LIPC: variants seen among roughly 807,000 people sequenced by gnomAD.
The protein encoded by LIPC is lipase C, hepatic type.
Under a neutral mutation model 50.7 loss-of-function variants are expected in LIPC, and 44 were observed. That is an observed-to-expected ratio of 0.87 (90% confidence interval 0.68 to 1.11). The LOEUF (loss-of-function observed/expected upper bound fraction) is 1.11. Among genes scored for constraint, LIPC ranks in the 50% most tolerant of loss-of-function variants. The pLI, the probability that LIPC is intolerant of heterozygous loss-of-function variation, is 0.00. For synonymous variants in LIPC, 271 were observed against 256.4 expected (o/e 1.06, Z -0.54); for missense variants, 697 against 648.2 (o/e 1.08, Z -0.82).
intron 1 of LIPC, 68 bp downstream of exon 1, chr15:58,432,188 T>A: frequency 8.5e-7 from 1 of 1,177,802 alleles, no homozygotes; most frequent in Non-Finnish European, 1.3e-6. Flanking sequence ...TCACAAAGAA[T>A]CCAGGGGTTT....
chr15:58,567,345 GTATA>G (rs112052257), intron 8 of LIPC, among the ~76,000 whole-genome samples: 1 of 18,826 alleles, frequency 5.3e-5, no homozygotes, highest in Non-Finnish European at 1.2e-4. Flanking sequence ...ATATGTATAT[GTATA>G]TATATATATG....
intron 1 of LIPC, among the ~76,000 whole-genome samples, chr15:58,487,248 A>G (rs1245596781): frequency 5.3e-5 from 8 of 152,212 alleles, no homozygotes; most frequent in African/African-American, 1.9e-4. Flanking sequence ...AATGATCTTA[A>G]GTAGCTAATG....
rs5812938 is a variant in LIPC at position 58,471,328 on chromosome 15, TG to T, written c.88+39217del. Among the ~76,000 whole-genome samples the T allele has an allele frequency of 6.1e-5, 7 of 114,238 alleles. 1 individual carries two copies. The highest frequency in any genetic ancestry group is 2.4e-4 in the African/African-American group (7 of 29,470). 74.9% of individuals were successfully genotyped at this position (114,238 alleles called of 152,430 possible). A position where few individuals can be genotyped will look rare whatever the true frequency, so the allele number is the denominator to read the frequency against. Reference sequence around the variant, plus strand: ...ATTTTTTTTGTATTTTTAGTAGAGATGGGGGGGGGTGGTCTCACCATGTTGG... The same window carrying T: ...ATTTTTTTTGTATTTTTAGTAGAGATGGGGGGGGTGGTCTCACCATGTTGG... On this transcript the variant is annotated intron_variant, in intron 1 of 8. Coordinates refer to ENST00000299022, the MANE Select transcript of LIPC (RefSeq NM_000236.3).
rs371009852 is a variant in LIPC at position 58,541,956 on chromosome 15, C to T, written c.445C>T (p.Arg149Trp). 6.7e-5 allele frequency: 108 copies of T among 1,609,292 alleles called. No homozygotes were observed. Among genetic ancestry groups the T allele is most frequent in the Middle Eastern group, 1.7e-4 (1 of 6,056 alleles). The change falls in exon 3 of 9, where the codon CGG becomes TGG. Residue 149 changes from arginine to tryptophan, a missense_variant. Physicochemically the swap from Arg to Trp is moderately radical, Grantham distance 101 (BLOSUM62 -3). Transcript: ENST00000299022. Reference protein sequence around the residue: ...LVGKEVAALLRWLEESVQLSR... With the variant: ...LVGKEVAALLWWLEESVQLSR... ...GGGCAAGGAGGTCGCGGCTCTTCTC[C>T]GGTGGCTGGAGGTACCGACCTGCCC...
intron 1 of LIPC, among the ~76,000 whole-genome samples, chr15:58,536,599 G>C (rs1323426896): frequency 6.6e-6 from 1 of 152,158 alleles, no homozygotes; most frequent in South Asian, 2.1e-4. Context: ...CCCGGCTTCT[G>C]ACTTAGACAG....
intron 1 of LIPC, among the ~76,000 whole-genome samples, chr15:58,534,611 A>T (rs2140898096): frequency 6.6e-6 from 1 of 152,084 alleles, no homozygotes; most frequent in Non-Finnish European, 1.5e-5. Context: ...TATATTTGTA[A>T]CCTCCTTTTT....
chr15:58,557,048 T>G (rs558438911), intron 6 of LIPC, among the ~76,000 whole-genome samples: 1 of 152,318 alleles, frequency 6.6e-6, no homozygotes, highest in East Asian at 1.9e-4. Flanking sequence ...TACACAAATG[T>G]TAGGACATTT....
intron 1 of LIPC, among the ~76,000 whole-genome samples, chr15:58,447,805 C>T (rs1437011847): frequency 2.0e-5 from 3 of 152,136 alleles, no homozygotes; most frequent in African/African-American, 7.2e-5. Flanking sequence ...CTTTGAGAAG[C>T]GAAGTTCTAA....
At chr15:58,550,617 C>T (rs978575856) in intron 6 of LIPC, among the ~76,000 whole-genome samples, 1 of 152,076 alleles carries the variant, frequency 6.6e-6, no homozygotes, top group Non-Finnish European at 1.5e-5. Flanking sequence ...TCAGGGGGCT[C>T]GGTGGAGACT....
chr15:58,451,219 G>A (rs1266964425), intron 1 of LIPC, among the ~76,000 whole-genome samples: 1 of 152,314 alleles, frequency 6.6e-6, no homozygotes, highest in East Asian at 1.9e-4. Context: ...AGGTAGAGCA[G>A]TGGGGTGGAG....
At position 58,560,715 on chromosome 15, in the gene LIPC, C is replaced by G. The variant is rs33931419; in HGVS notation, c.1052-149C>G. ...AAGGAAAAACAAGAAGATAAACCAC[C>G]ATTTAGGAGCAAAAAAATGTTGTTA... On this transcript the variant is annotated intron_variant, in intron 6 of 8. Coordinates refer to ENST00000299022, the MANE Select transcript of LIPC (RefSeq NM_000236.3). 218,633 of 590,962 alleles carry G rather than the reference C, an allele frequency of 0.37. 42,319 individuals are homozygous for G. Among genetic ancestry groups the G allele is most frequent in the East Asian group, 0.55 (18,697 of 34,262 alleles). The allele number at this position is 590,962 out of a possible 1,614,324, so 36.6% of individuals were successfully genotyped here. A position where few individuals can be genotyped will look rare whatever the true frequency, so the allele number is the denominator to read the frequency against.
intron 6 of LIPC, among the ~76,000 whole-genome samples, chr15:58,554,362 G>A (rs1293760700): frequency 2.6e-5 from 4 of 152,140 alleles, no homozygotes; most frequent in African/African-American, 9.7e-5. Context: ...TTGGGAGTAT[G>A]TTGTACTGGT....
At chr15:58,565,981 A>C in intron 8 of LIPC, 1 of 985,360 alleles carries the variant, frequency 1.0e-6, no homozygotes, top group Non-Finnish European at 1.2e-6. Flanking sequence ...AACCAGGAAA[A>C]TAAGATGAAT....
In LIPC at chr15:58,546,241, T is replaced by C. The variant is rs1973024; in HGVS notation, c.808+266T>C. On this transcript the variant is annotated intron_variant, in intron 5 of 8. Coordinates refer to ENST00000299022, the MANE Select transcript of LIPC (RefSeq NM_000236.3). The stretch of plus-strand genomic sequence containing the variant: ...ACCAACAGGAACCTCCACTTCTCAC[T>C]CCAGCCCCATGTGCCCAGGCAAACC... Among the ~76,000 whole-genome samples the C allele has an allele frequency of 0.74, 112,944 of 152,208 alleles. 42,540 individuals are homozygous for C. The highest frequency in any genetic ancestry group is 0.83 in the Middle Eastern group (243 of 294).
chr15:58,567,874 C>T (rs1025212768), intron 8 of LIPC, among the ~76,000 whole-genome samples: 11 of 152,154 alleles, frequency 7.2e-5, no homozygotes, highest in East Asian at 5.8e-4. Context: ...TAGTGAAGGC[C>T]GATGGTGAAG....
chr15:58,497,353 G>A (rs1415850138), intron 1 of LIPC, among the ~76,000 whole-genome samples: 1 of 152,188 alleles, frequency 6.6e-6, no homozygotes, highest in African/African-American at 2.4e-5. Context: ...AATGGATGGG[G>A]AAGTGGGGGA....
intron 1 of LIPC, among the ~76,000 whole-genome samples, chr15:58,461,174 G>A (rs1340329716): frequency 6.6e-6 from 1 of 152,186 alleles, no homozygotes; most frequent in African/African-American, 2.4e-5. Context: ...AGCATTTAAA[G>A]ATTGGCTGCA....
At chr15:58,499,515 C>T (rs1891897450) in intron 1 of LIPC, among the ~76,000 whole-genome samples, 1 of 152,186 alleles carries the variant, frequency 6.6e-6, no homozygotes, top group African/African-American at 2.4e-5. Flanking sequence ...CTGAAAAGAA[C>T]CAATAGTCTC....
intron 1 of LIPC, chr15:58,432,428 G>T (rs546284164): frequency 1.4e-4 from 56 of 392,028 alleles, no homozygotes; most frequent in Admixed American, 3.0e-4. Flanking sequence ...ATATGAAAGC[G>T]ATTCAGATCT....
Sources: gnomAD v4.1 joint callset for allele counts (sites outside exome capture counted in the v4.1 genomes callset) on GRCh38, gnomAD v4.1.1 for gene constraint, MANE v1.5 for transcripts, NCBI Gene and HGNC (gene_info 2026-07-23, HGNC 2026-07-21) for gene names.